The following PRMT9 variants were observed in gnomAD, a reference collection of about 807,000 sequenced individuals.
PRMT9 encodes the protein protein arginine methyltransferase 9.
Under a neutral mutation model 83.2 loss-of-function variants are expected in PRMT9, and 59 were observed. The observed-to-expected ratio is 0.71, with a 90% CI of 0.57 to 0.88. The LOEUF is 0.88. PRMT9 is among the 40% of genes least tolerant of loss of function. The pLI, the probability that PRMT9 is intolerant of heterozygous loss-of-function variation, is 0.00. For missense variants in PRMT9, 947 were observed against 1,021.9 expected (o/e 0.93, Z 1.00); for synonymous variants, 333 against 353.2 (o/e 0.94, Z 0.64).
rs775246875 is a variant in PRMT9 at position 147,642,786 on chromosome 4, C to A, written c.2199+1G>T. ...GTTGAACTTCTCCTCTAGACACTTA[C>A]CTGAAACTGGTTAATAAAAGGTGCT... On this transcript the variant is annotated splice_donor_variant, in intron 10 of 11. Coordinates refer to ENST00000322396, the MANE Select transcript of PRMT9 (RefSeq NM_138364.4). LOFTEE classifies it high-confidence loss of function. 3.7e-6 allele frequency: 6 copies of A among 1,612,910 alleles called. No individual in the cohort carries two copies. The Admixed American group carries it at 8.3e-5, about 22-fold the overall frequency.
chr4:147,668,529 ATACACT>A lies in PRMT9; in HGVS notation c.953+4_953+9del. Reference sequence around the variant, plus strand: ...TTTATAGCAGTGTGAAAATGGACTAATACACTTACCTATGATGTCTTCTTATCTCTG... The same window carrying A: ...TTTATAGCAGTGTGAAAATGGACTAATACCTATGATGTCTTCTTATCTCTG... On this transcript the variant is annotated splice_donor_5th_base_variant and intron_variant, in intron 6 of 11. Coordinates refer to ENST00000322396, the MANE Select transcript of PRMT9 (RefSeq NM_138364.4). The A allele has an allele frequency of 6.7e-7, 1 of 1,500,644 alleles. No homozygotes were observed. Among genetic ancestry groups the A allele is most frequent in the Non-Finnish European group, 9.3e-7 (1 of 1,079,832 alleles). The allele number at this position is 1,500,644 out of a possible 1,614,324, so 93.0% of individuals were successfully genotyped here.
chr4:147,649,169 GA>G (rs1578884738), intron 9 of PRMT9, among the ~76,000 whole-genome samples: 1 of 151,780 alleles, frequency 6.6e-6, no homozygotes, highest in African/African-American at 2.4e-5. Context: ...AGAGAGAGAA[GA>G]GGGGGAGAGA....
In PRMT9 at chr4:147,683,838, G is replaced by C; in HGVS notation, c.150C>G (p.Leu50=). 2 of 1,612,390 alleles carry C rather than the reference G, an allele frequency of 1.2e-6. No individual in the cohort carries two copies. Among genetic ancestry groups the C allele is most frequent in the Non-Finnish European group, 1.7e-6 (2 of 1,179,594 alleles). ...TCAGCTCCGGCGCCAGGCTGAGCAC[G>C]AGGAGGTAGTGGGCATAGGCAGTGC... ...DFGTAYAHYL[L]VLSLAPELKH... The change falls in exon 1 of 12, where the codon CTC becomes CTG. Residue 50 remains leucine (L), a synonymous_variant. Coordinates refer to ENST00000322396, the MANE Select transcript of PRMT9 (RefSeq NM_138364.4).
rs571977520 is a variant in PRMT9, at chr4:147,643,494, T to C, written c.2046-554A>G. ...AAAGAGAAAAATGACAGGTTAGCTA[T>C]TTAAATGGACACACGTCTTTAGATT... On this transcript the variant is annotated intron_variant, in intron 9 of 11. Coordinates refer to ENST00000322396, the MANE Select transcript of PRMT9 (RefSeq NM_138364.4). Among the ~76,000 whole-genome samples the C allele has an allele frequency of 3.9e-5, 6 of 152,316 alleles. No homozygotes were observed. The South Asian group carries it at 1.0e-3, about 26-fold the overall frequency.
At chr4:147,661,990 T>C (rs570068853) in intron 6 of PRMT9, among the ~76,000 whole-genome samples, 1 of 152,220 alleles carries the variant, frequency 6.6e-6, no homozygotes, top group East Asian at 1.9e-4. Flanking sequence ...ATTCTTAATG[T>C]AGGAACCTCA....
intron 2 of PRMT9, among the ~76,000 whole-genome samples, chr4:147,679,610 G>T (rs1269904682): frequency 6.6e-6 from 1 of 152,048 alleles, no homozygotes; most frequent in Non-Finnish European, 1.5e-5. Context: ...TACCTGGGTG[G>T]GGTGGCAGGC....
intron 6 of PRMT9, among the ~76,000 whole-genome samples, chr4:147,664,194 G>A (rs938832644): frequency 1.3e-5 from 2 of 152,196 alleles, no homozygotes; most frequent in Non-Finnish European, 2.9e-5. Flanking sequence ...GTGGTTGGCA[G>A]CTCCTCAGGA....
rs143157060 is a variant in PRMT9, at chr4:147,643,081, G to A, written c.2046-141C>T. On this transcript the variant is annotated intron_variant, in intron 9 of 11. Transcript: ENST00000322396. ...TCAAGACCAGCCTGGGCAACATGGC[G>A]AAACCTCATCTCTACAAAAAATACA... is the stretch of plus-strand genomic sequence containing the variant. 1,192 of 697,022 alleles carry A rather than the reference G, an allele frequency of 1.7e-3. 12 individuals are homozygous for A. In the African/African-American group the frequency reaches 0.019, roughly 11 times the overall value. The allele number at this position is 697,022 out of a possible 1,614,324, so 43.2% of individuals were successfully genotyped here.
chr4:147,649,585 C>T (rs555415942), intron 9 of PRMT9, among the ~76,000 whole-genome samples: 1 of 152,274 alleles, frequency 6.6e-6, no homozygotes, highest in South Asian at 2.1e-4. Flanking sequence ...TAACAGCAAC[C>T]TCTGCCTCCA....
Position 147,659,052 on chromosome 4 carries a change from A to G in PRMT9, c.1147-1077T>C, listed in dbSNP as rs1437939362. On this transcript the variant is annotated intron_variant, in intron 7 of 11. Coordinates refer to ENST00000322396, the MANE Select transcript of PRMT9 (RefSeq NM_138364.4). ...AAAGTAGTCGGGCATGGTGGCGGGC[A>G]CCTGTAGTCCCAGCTACTCGGGAGG... 3.3e-5 allele frequency among the ~76,000 whole-genome samples: 5 copies of G among 151,928 alleles called. No individual in the cohort carries two copies. The East Asian group carries it at 5.8e-4, about 18-fold the overall frequency.
At chr4:147,662,423 C>T (rs953422712) in intron 6 of PRMT9, among the ~76,000 whole-genome samples, 1 of 152,078 alleles carries the variant, frequency 6.6e-6, no homozygotes, top group African/African-American at 2.4e-5. Flanking sequence ...CACTGATTAC[C>T]CAGGTCTATC....
At chr4:147,674,114 T>G (rs544065603) in intron 2 of PRMT9, among the ~76,000 whole-genome samples, 2 of 152,192 alleles carry the variant, frequency 1.3e-5, no homozygotes, top group Non-Finnish European at 2.9e-5. Context: ...GACTATAAAT[T>G]ACTGTTATAC....
intron 1 of PRMT9, among the ~76,000 whole-genome samples, chr4:147,682,338 C>T (rs1736534962): frequency 6.6e-6 from 1 of 152,224 alleles, no homozygotes; most frequent in Non-Finnish European, 1.5e-5. Flanking sequence ...CACCACCACG[C>T]CCAGCTAATT....
chr4:147,650,673 C>T (rs1271856530), intron 9 of PRMT9, among the ~76,000 whole-genome samples: 10 of 152,244 alleles, frequency 6.6e-5, no homozygotes, highest in African/African-American at 2.2e-4. Flanking sequence ...AACTGTAAAC[C>T]GCCAAGACAG....
chr4:147,646,672 G>A (rs543793985), intron 9 of PRMT9, among the ~76,000 whole-genome samples: 53 of 148,208 alleles, frequency 3.6e-4, no homozygotes, highest in African/African-American at 1.2e-3. Context: ...AGGGGGGGGA[G>A]GGGGGTGCAG....
chr4:147,654,464 A>G lies in PRMT9; in HGVS notation c.1433T>C (p.Met478Thr), dbSNP rs1364249852. 6 of 1,613,850 alleles carry G rather than the reference A, an allele frequency of 3.7e-6. No homozygotes were observed. Among genetic ancestry groups the G allele is most frequent in the Non-Finnish European group, 5.1e-6 (6 of 1,179,986 alleles). Residue 478 changes from methionine (M) to threonine (T), a missense_variant, in exon 9 of 12, where the codon ATG (methionine) becomes ACG (threonine). Met to Thr is a moderately conservative substitution (Grantham distance 81, BLOSUM62 -1). Coordinates refer to ENST00000322396, the MANE Select transcript of PRMT9 (RefSeq NM_138364.4). Reference sequence around the variant, plus strand: ...CTGGGTAAAACTTTTTGCAACATCCATTTCACATTCCAAACCCAAGACACT... The same window carrying G: ...CTGGGTAAAACTTTTTGCAACATCCGTTTCACATTCCAAACCCAAGACACT... Reference protein sequence around the residue: ...SISVLGLECEMDVAKSFTQNK... With the variant: ...SISVLGLECETDVAKSFTQNK...
Position 147,684,120 on chromosome 4 carries a change from T to C in PRMT9, c.-133A>G. The C allele has an allele frequency of 1.9e-6, 2 of 1,078,190 alleles. No individual in the cohort carries two copies. The highest frequency in any genetic ancestry group is 1.4e-5 in the South Asian group (1 of 72,618). The allele number at this position is 1,078,190 out of a possible 1,614,324, so 66.8% of individuals were successfully genotyped here. ...CAGCAAAGTTACCCTCCGCCGCGGG[T>C]GAACTCGCCAACCCCAGCCCAGGCG... On this transcript the variant is annotated 5_prime_UTR_variant, in exon 1 of 12. Coordinates refer to ENST00000322396, the MANE Select transcript of PRMT9 (RefSeq NM_138364.4).
chr4:147,674,683 CAT>C (rs1231049554), intron 2 of PRMT9, among the ~76,000 whole-genome samples: 42 of 152,338 alleles, frequency 2.8e-4, no homozygotes, highest in African/African-American at 8.9e-4. Context: ...CTGTATTGCA[CAT>C]GATTCATATG....
At chr4:147,657,494 G>A (rs913010706) in intron 8 of PRMT9, among the ~76,000 whole-genome samples, 16 of 151,188 alleles carry the variant, frequency 1.1e-4, no homozygotes, top group Admixed American at 4.6e-4. Context: ...CACTGCAATC[G>A]GCCTGGGCAA....
Sources: allele counts gnomAD v4.1 joint callset (sites outside exome capture counted in the v4.1 genomes callset), GRCh38; gene constraint gnomAD v4.1.1; transcripts MANE v1.5; gene names NCBI Gene and HGNC (gene_info 2026-07-23, HGNC 2026-07-21).